CEP85L: variants seen among roughly 807,000 people sequenced by gnomAD.
CEP85L encodes the protein centrosomal protein of 85 kDa-like.
In CEP85L, 60 loss-of-function variants were observed where a neutral mutation model predicts 100.3. That is an observed-to-expected ratio of 0.60 (90% confidence interval 0.49 to 0.74). The LOEUF (loss-of-function observed/expected upper bound fraction) is 0.74. Among genes scored for constraint, CEP85L ranks in the 30% least tolerant of loss-of-function variants. The pLI is 0.00. For missense variants in CEP85L, 973 were observed against 936.2 expected, an observed-to-expected ratio of 1.04 and a Z score of -0.51; for synonymous variants, 319 against 322.7, an observed-to-expected ratio of 0.99 and a Z score of 0.12.
intron 3 of CEP85L, among the ~76,000 whole-genome samples, chr6:118,550,232 T>C (rs1778462508): frequency 6.6e-6 from 1 of 151,862 alleles, no homozygotes; most frequent in Admixed American, 6.6e-5. Context: ...TAAAGGAAAA[T>C]GATCACATTT....
rs145787346 is a variant in CEP85L, at chr6:118,697,283, CTT to C, written c.-28+12751_-28+12752del. ...TGGATTGACAACCAATGTTGTCACA[CTT>C]ATATGAATCCCAAATGTCTTCGTAT... is the stretch of plus-strand genomic sequence containing the variant. On this transcript the variant is annotated intron_variant, in intron 1 of 13. Transcript: ENST00000368488. 4.6e-3 allele frequency among the ~76,000 whole-genome samples: 705 copies of C among 152,304 alleles called. 9 individuals are homozygous for C. The highest frequency in any genetic ancestry group is 0.016 in the African/African-American group (667 of 41,566).
At chr6:118,595,165 A>G (rs1196321263) in intron 2 of CEP85L, among the ~76,000 whole-genome samples, 1 of 152,232 alleles carries the variant, frequency 6.6e-6, no homozygotes, top group Non-Finnish European at 1.5e-5. Flanking sequence ...CTGTGGCAAC[A>G]GTAGCTATTT....
intron 1 of CEP85L, among the ~76,000 whole-genome samples, chr6:118,703,150 C>CA (rs1777475231): frequency 6.6e-6 from 1 of 152,042 alleles, no homozygotes; most frequent in Admixed American, 6.5e-5. Context: ...ACAAATAAAT[C>CA]AGTCTTTTGG....
At chr6:118,636,040 T>C (rs1249721268) in intron 1 of CEP85L, among the ~76,000 whole-genome samples, 2 of 152,218 alleles carry the variant, frequency 1.3e-5, no homozygotes, top group East Asian at 3.8e-4. Flanking sequence ...GGTCACTCAA[T>C]CTCCGTCTCA....
At chr6:118,491,895 C>G (rs993859665) in intron 5 of CEP85L, 30 bp from the exon 6 acceptor site, 2 of 1,536,396 alleles carry the variant, frequency 1.3e-6, no homozygotes, top group Non-Finnish European at 1.8e-6. Flanking sequence ...GGAGGTAAGA[C>G]TTTAAAAGTT....
chr6:118,631,821 G>A (rs1396216132), intron 2 of CEP85L, among the ~76,000 whole-genome samples: 2 of 152,196 alleles, frequency 1.3e-5, no homozygotes, highest in African/African-American at 2.4e-5. Flanking sequence ...AGAGAGAGAA[G>A]TGGGTGTGGG....
At chr6:118,574,620 C>A (rs893087068) in intron 2 of CEP85L, among the ~76,000 whole-genome samples, 9 of 152,090 alleles carry the variant, frequency 5.9e-5, no homozygotes, top group African/African-American at 2.2e-4. Flanking sequence ...GAATCAGAAC[C>A]CACCCAGTGT....
chr6:118,601,097 G>C (rs976024973), intron 2 of CEP85L, among the ~76,000 whole-genome samples: 2 of 152,180 alleles, frequency 1.3e-5, no homozygotes, highest in Non-Finnish European at 2.9e-5. Flanking sequence ...TACACTTTAT[G>C]TAAGTTATTC....
chr6:118,682,071 T>C (rs1776682313), intron 1 of CEP85L, among the ~76,000 whole-genome samples: 1 of 148,868 alleles, frequency 6.7e-6, no homozygotes, highest in African/African-American at 2.6e-5. Context: ...CAGCCTGTTA[T>C]AATTACTTCT....
rs1427521111 is a variant in CEP85L, at chr6:118,461,005, A to G, written c.*4400T>C. 1 of 151,988 alleles carries G rather than the reference A, an allele frequency of 6.6e-6. No homozygotes were observed. The highest frequency in any genetic ancestry group is 2.4e-5 in the African/African-American group (1 of 41,402). The allele number at this position is 151,988 out of a possible 1,614,324, so 9.4% of individuals were successfully genotyped here. A position where few individuals can be genotyped will look rare whatever the true frequency, so the allele number is the denominator to read the frequency against. The stretch of plus-strand genomic sequence containing the variant: ...ATAGATCAGAAGGCATAAGCCAACC[A>G]GTGGCTTCACATTCTTTTTTTTTTT... On this transcript the variant is annotated 3_prime_UTR_variant, in exon 13 of 13. Coordinates refer to ENST00000368491, the MANE Select transcript of CEP85L (RefSeq NM_001042475.3).
chr6:118,465,556 G>A lies in CEP85L; in HGVS notation c.2267C>T (p.Ser756Leu), dbSNP rs1772450637. 6.2e-7 allele frequency: 1 copy of A among 1,612,888 alleles called. No homozygotes were observed. The change falls in exon 13 of 13, where the codon TCA becomes TTA. Residue 756 changes from serine to leucine, a missense_variant. Coordinates refer to ENST00000368491, the MANE Select transcript of CEP85L (RefSeq NM_001042475.3). The stretch of plus-strand genomic sequence containing the variant: ...GTGGTCATTCTCAGTCTCTTCAGCT[G>A]AACAGTTCATTGCTGTGTAAATAAA... ...LLLGIRSMNC[S>L]AEETENDHST...
rs538963308 is a variant in CEP85L at position 118,645,923 on chromosome 6, T to G, written c.73+5274A>C. ...AAAAACAGAAATCAAAATATTGGTATGAAAAGTAATTTGGGGCCAGGCGTG... is the reference window on the plus strand; with the variant it reads ...AAAAACAGAAATCAAAATATTGGTAGGAAAAGTAATTTGGGGCCAGGCGTG... On this transcript the variant is annotated intron_variant, in intron 1 of 12. Coordinates refer to ENST00000368491, the MANE Select transcript of CEP85L (RefSeq NM_001042475.3). 2.6e-5 allele frequency among the ~76,000 whole-genome samples: 4 copies of G among 152,318 alleles called. No individual in the cohort carries two copies. The South Asian group carries it at 8.3e-4, about 32-fold the overall frequency.
At chr6:118,494,498 T>C (rs1382685444) in intron 5 of CEP85L, among the ~76,000 whole-genome samples, 1 of 152,132 alleles carries the variant, frequency 6.6e-6, no homozygotes, top group Non-Finnish European at 1.5e-5. Flanking sequence ...GCCTTCCACA[T>C]AGAGGAGGGT....
intron 3 of CEP85L, among the ~76,000 whole-genome samples, chr6:118,562,643 G>A (rs1208824645): frequency 1.3e-5 from 2 of 152,110 alleles, no homozygotes; most frequent in South Asian, 2.1e-4. Context: ...TTACAGGGGT[G>A]AGCTACCATG....
At chr6:118,657,285 G>A (rs187862371), upstream of CEP85L, among the ~76,000 whole-genome samples, 1 of 152,276 alleles carries the variant, frequency 6.6e-6, no homozygotes, top group Non-Finnish European at 1.5e-5. Flanking sequence ...GTATAAATGA[G>A]TAAATGTCTT....
chr6:118,500,012 A>T (rs1429184821), intron 5 of CEP85L, among the ~76,000 whole-genome samples: 1 of 152,180 alleles, frequency 6.6e-6, no homozygotes, highest in African/African-American at 2.4e-5. Context: ...CATACAAAAA[A>T]ACTCCTGGCT....
rs563219937 is a variant in CEP85L at position 118,483,477 on chromosome 6, CTACAGTAGTTAAGAGAGTTACAA to C, written c.1590+206_1590+228del. On this transcript the variant is annotated intron_variant, in intron 7 of 12. Transcript: ENST00000368491. ...GGCAGACTGGTTTAGAAACTAACTT[CTACAGTAGTTAAGAGAGTTACAA>C]TACAGGATCAATAGGAAGGTAATCA... 2.6e-4 allele frequency among the ~76,000 whole-genome samples: 39 copies of C among 152,106 alleles called. No homozygotes were observed. The South Asian group carries it at 7.9e-3, about 31-fold the overall frequency.
chr6:118,476,674 A>G (rs1773404295), intron 10 of CEP85L, among the ~76,000 whole-genome samples: 1 of 152,200 alleles, frequency 6.6e-6, no homozygotes, highest in Admixed American at 6.5e-5. Context: ...GGCTGTGGGA[A>G]CATCTCGATG....
intron 2 of CEP85L, among the ~76,000 whole-genome samples, chr6:118,580,554 AC>A (rs1454998506): frequency 6.6e-6 from 1 of 151,930 alleles, no homozygotes; most frequent in Admixed American, 6.6e-5. Context: ...AACATGGAGA[AC>A]CCCCCAATAC....
Sources: allele counts gnomAD v4.1 joint callset (sites outside exome capture counted in the v4.1 genomes callset), GRCh38; gene constraint gnomAD v4.1.1; transcripts MANE v1.5; gene names NCBI Gene and HGNC (gene_info 2026-07-23, HGNC 2026-07-21).